Variants in GRM1 observed in about 807,000 individuals in gnomAD.
The protein encoded by GRM1 is metabotropic glutamate receptor 1.
In GRM1, 33 loss-of-function variants were observed where a neutral mutation model predicts 90.9. That is an observed-to-expected ratio of 0.36 (90% CI 0.28 to 0.49). The LOEUF is 0.49. Ranked by LOEUF, GRM1 falls within the 20% of genes least tolerant of loss-of-function variation. The probability of loss-of-function intolerance (pLI) is 0.99; values close to 1 mark genes in which losing one functional copy is unlikely to be tolerated. For missense variants in GRM1, 1,190 were observed against 1,534.3 expected (o/e 0.78, Z 3.75); for synonymous variants, 700 against 613.2 (o/e 1.14, Z -2.09).
In GRM1 at chr6:146,435,068, C is replaced by G; in HGVS notation, c.*272C>G. 1.7e-6 allele frequency: 1 copy of G among 571,542 alleles called. No homozygotes were observed. Among genetic ancestry groups the G allele is most frequent in the Admixed American group, 3.0e-5 (1 of 33,106 alleles). The allele number at this position is 571,542 out of a possible 1,614,324, so 35.4% of individuals were successfully genotyped here. ...AGGGAATTCTGACAAAGCACAATTC[C>G]ATATGGTATGTAACTTTTATCACAA... On this transcript the variant is annotated 3_prime_UTR_variant, in exon 8 of 8. Coordinates refer to ENST00000282753, the MANE Select transcript of GRM1 (RefSeq NM_001278064.2).
intron 3 of GRM1, among the ~76,000 whole-genome samples, chr6:146,312,209 C>T (rs1783796021): frequency 2.0e-5 from 3 of 151,550 alleles, no homozygotes; most frequent in Admixed American, 1.3e-4. Flanking sequence ...GGCACAGTGG[C>T]GGGCACCTGT....
chr6:146,366,538 T>G (rs1443428462), intron 5 of GRM1, among the ~76,000 whole-genome samples: 1 of 152,122 alleles, frequency 6.6e-6, no homozygotes, highest in Non-Finnish European at 1.5e-5. Context: ...GCATTCTATT[T>G]TCTACCTCCA....
chr6:146,191,972 A>G (rs1778948141), intron 2 of GRM1, among the ~76,000 whole-genome samples: 1 of 152,198 alleles, frequency 6.6e-6, no homozygotes, highest in African/African-American at 2.4e-5. Flanking sequence ...AGTTGGAAAA[A>G]TTGGGATAAA....
chr6:146,108,979 G>T (rs918785713), intron 1 of GRM1, among the ~76,000 whole-genome samples: 1 of 152,184 alleles, frequency 6.6e-6, no homozygotes, highest in African/African-American at 2.4e-5. Context: ...AAGCAGAAAA[G>T]CATTCAAGAG....
At chr6:146,388,944 C>A in intron 6 of GRM1, among the ~76,000 whole-genome samples, 1 of 152,082 alleles carries the variant, frequency 6.6e-6, no homozygotes, top group Admixed American at 6.6e-5. Flanking sequence ...GATTGTTTGT[C>A]ACTGGATCTA....
At chr6:146,267,736 G>GTCTCGTCTCT (rs1184105365) in intron 2 of GRM1, among the ~76,000 whole-genome samples, 10 of 148,402 alleles carry the variant, frequency 6.7e-5, no homozygotes, top group Non-Finnish European at 1.5e-4. Flanking sequence ...GTCTCGTCTC[G>GTCTCGTCTCT]TCTCGTCTCG....
At chr6:146,290,411 A>T (rs1782938957) in intron 2 of GRM1, among the ~76,000 whole-genome samples, 1 of 152,198 alleles carries the variant, frequency 6.6e-6, no homozygotes, top group South Asian at 2.1e-4. Flanking sequence ...TAACTGTCAG[A>T]CTCACAAAAT....
intron 5 of GRM1, among the ~76,000 whole-genome samples, chr6:146,359,901 G>T (rs1307864534): frequency 6.6e-6 from 1 of 152,144 alleles, no homozygotes; most frequent in Non-Finnish European, 1.5e-5. Flanking sequence ...AGGAAAATAT[G>T]CATGCTCTCA....
At chr6:146,398,676 G>T in intron 6 of GRM1, 93 bp from the exon 7 acceptor site, 1 of 866,734 alleles carries the variant, frequency 1.2e-6, no homozygotes, top group Non-Finnish European at 2.0e-6. Flanking sequence ...CATGAAGGAT[G>T]CAAAGATGAC....
intron 1 of GRM1, among the ~76,000 whole-genome samples, chr6:146,125,494 A>T (rs1583037815): frequency 2.3e-5 from 3 of 130,584 alleles, no homozygotes; most frequent in Non-Finnish European, 4.8e-5. Flanking sequence ...CACCTTTTCC[A>T]CCCTTGTGTA....
Position 146,277,937 on chromosome 6 carries a change from C to T in GRM1, c.951-26674C>T, listed in dbSNP as rs73783683. On this transcript the variant is annotated intron_variant, in intron 2 of 7. Coordinates refer to ENST00000282753, the MANE Select transcript of GRM1 (RefSeq NM_001278064.2). ...TCAAGCAAGATTTTTTAATTAAAAG[C>T]TTAATAGTTAACTTTAAATTACATT... Among the ~76,000 whole-genome samples, 178 of 152,216 alleles carry T rather than the reference C, an allele frequency of 1.2e-3. 1 individual carries two copies. The highest frequency in any genetic ancestry group is 3.9e-3 in the African/African-American group (163 of 41,548).
chr6:146,373,508 C>T (rs771956391), intron 5 of GRM1, among the ~76,000 whole-genome samples: 5 of 152,040 alleles, frequency 3.3e-5, no homozygotes, highest in Non-Finnish European at 7.4e-5. Context: ...TTAGAAACCA[C>T]CCCCATGAGT....
At chr6:146,167,940 T>C (rs1777968961) in intron 2 of GRM1, among the ~76,000 whole-genome samples, 1 of 152,054 alleles carries the variant, frequency 6.6e-6, no homozygotes, top group Admixed American at 6.6e-5. Context: ...TTGTGTTCTA[T>C]CAAAAATATT....
chr6:146,324,095 G>A (rs557969261), intron 3 of GRM1, among the ~76,000 whole-genome samples: 52 of 152,332 alleles, frequency 3.4e-4, no homozygotes, highest in Non-Finnish European at 5.4e-4. Context: ...TCCCTGCCCA[G>A]AGGGAGGAAT....
chr6:146,392,791 T>C (rs537794487), intron 6 of GRM1, among the ~76,000 whole-genome samples: 2 of 152,294 alleles, frequency 1.3e-5, no homozygotes, highest in African/African-American at 2.4e-5. Context: ...CAATGTTTGG[T>C]TTTCTGTTCC....
At chr6:146,299,810 C>A (rs1562591669) in intron 2 of GRM1, among the ~76,000 whole-genome samples, 1 of 152,158 alleles carries the variant, frequency 6.6e-6, no homozygotes, top group Non-Finnish European at 1.5e-5. Context: ...CTTCCAGCTC[C>A]TTTTTCTCAA....
chr6:146,125,924 G>C (rs1038040488), intron 1 of GRM1, among the ~76,000 whole-genome samples: 2 of 151,928 alleles, frequency 1.3e-5, no homozygotes, highest in Non-Finnish European at 2.9e-5. Context: ...AGTACTATTT[G>C]TCTTATTTTC....
chr6:146,051,383 C>G (rs1013651175), intron 1 of GRM1, among the ~76,000 whole-genome samples: 1 of 151,764 alleles, frequency 6.6e-6, no homozygotes, highest in Non-Finnish European at 1.5e-5. Flanking sequence ...AAATATGATA[C>G]AGTGCTCATC....
intron 7 of GRM1, among the ~76,000 whole-genome samples, chr6:146,402,036 A>G (rs1777176277): frequency 6.6e-6 from 1 of 152,146 alleles, no homozygotes. Context: ...TTAGAAATTA[A>G]TTTCATGTGG....
Sources: gnomAD v4.1 joint callset for allele counts (sites outside exome capture counted in the v4.1 genomes callset) on GRCh38, gnomAD v4.1.1 for gene constraint, MANE v1.5 for transcripts, NCBI Gene and HGNC (gene_info 2026-07-23, HGNC 2026-07-21) for gene names.